GALNT13: variants seen among roughly 807,000 people sequenced by gnomAD.
GALNT13 encodes the protein polypeptide N-acetylgalactosaminyltransferase 13.
A neutral mutation model predicts 64.2 loss-of-function variants in GALNT13; 28 were observed. The observed-to-expected ratio is 0.44, with a 90% CI of 0.32 to 0.60. The LOEUF is 0.60. GALNT13 is among the 20% of genes least tolerant of loss of function. GALNT13 has a pLI of 0.05. For synonymous variants in GALNT13, 214 were observed against 224.6 expected (o/e 0.95, Z 0.42); for missense variants, 577 against 669.8 (o/e 0.86, Z 1.53).
chr2:154,134,264 T>C (rs1682822680), intron 3 of GALNT13, among the ~76,000 whole-genome samples: 1 of 152,196 alleles, frequency 6.6e-6, no homozygotes, highest in Admixed American at 6.5e-5. Flanking sequence ...AAAAGAGCTA[T>C]AAAATTATGA....
chr2:153,969,758 A>G (rs2105122286), intron 3 of GALNT13, among the ~76,000 whole-genome samples: 1 of 152,248 alleles, frequency 6.6e-6, no homozygotes, highest in Admixed American at 6.5e-5. Context: ...ATTCATAACT[A>G]TCATTATTTT....
chr2:153,940,592 C>A (rs1050186318), intron 2 of GALNT13, among the ~76,000 whole-genome samples: 5 of 152,122 alleles, frequency 3.3e-5, no homozygotes, highest in Non-Finnish European at 5.9e-5. Context: ...GATCTGTTTT[C>A]CTATCAGTTA....
chr2:154,411,590 T>C (rs982116816), intron 11 of GALNT13, among the ~76,000 whole-genome samples: 1 of 151,922 alleles, frequency 6.6e-6, no homozygotes, highest in Non-Finnish European at 1.5e-5. Flanking sequence ...TTGAACAATA[T>C]ATAGTATCTG....
the GALNT13 span, among the ~76,000 whole-genome samples, chr2:153,531,769 C>T: frequency 6.6e-5 from 10 of 152,242 alleles, no homozygotes; most frequent in East Asian, 3.9e-4. Flanking sequence ...TAAATACTTG[C>T]ATTTCAAAAG....
At chr2:153,418,357 A>G in the GALNT13 span, among the ~76,000 whole-genome samples, 1 of 152,190 alleles carries the variant, frequency 6.6e-6, no homozygotes, top group Non-Finnish European at 1.5e-5. Context: ...TGACCTCCAG[A>G]ACTGTAAGAT....
the GALNT13 span, among the ~76,000 whole-genome samples, chr2:153,854,889 T>C: frequency 6.6e-6 from 1 of 152,116 alleles, no homozygotes; most frequent in Non-Finnish European, 1.5e-5. Context: ...ACAACTTCCA[T>C]TACAGAAACA....
At chr2:154,160,649 C>A (rs1172380176) in intron 4 of GALNT13, among the ~76,000 whole-genome samples, 5 of 151,958 alleles carry the variant, frequency 3.3e-5, no homozygotes, top group African/African-American at 1.2e-4. Flanking sequence ...ATTTTATGGC[C>A]ATTAAACATT....
At chr2:153,635,445 C>CATATATATGTATATATATATACAT in the GALNT13 span, among the ~76,000 whole-genome samples, 1 of 132,412 alleles carries the variant, frequency 7.6e-6, no homozygotes, top group South Asian at 2.4e-4. Flanking sequence ...TATATACACA[C>CATATATATGTATATATATATACAT]ATATATATGT....
chr2:153,545,587 A>G, the GALNT13 span, among the ~76,000 whole-genome samples: 2 of 152,182 alleles, frequency 1.3e-5, no homozygotes, highest in Non-Finnish European at 2.9e-5. Context: ...TGTATGCAGT[A>G]TGCAAGGCCC....
chr2:154,236,429 A>C (rs1689194203), intron 4 of GALNT13, among the ~76,000 whole-genome samples: 1 of 152,110 alleles, frequency 6.6e-6, no homozygotes, highest in Non-Finnish European at 1.5e-5. Context: ...AGAAGCTCTC[A>C]CACCTATAGT....
chr2:153,528,041 G>T, the GALNT13 span, among the ~76,000 whole-genome samples: 10 of 151,724 alleles, frequency 6.6e-5, no homozygotes, highest in Non-Finnish European at 1.5e-4. Context: ...AAAACAATCA[G>T]AAAACCAATA....
chr2:153,684,659 CTTTTA>C, the GALNT13 span, among the ~76,000 whole-genome samples: 6 of 151,258 alleles, frequency 4.0e-5, no homozygotes, highest in East Asian at 5.8e-4. Context: ...TTTTTTTTAA[CTTTTA>C]TTTTAAGTTC....
intron 9 of GALNT13, among the ~76,000 whole-genome samples, chr2:154,359,503 T>C (rs1696941312): frequency 6.6e-6 from 1 of 152,034 alleles, no homozygotes; most frequent in Non-Finnish European, 1.5e-5. Context: ...TGAAAGATCA[T>C]GAAAATGTGG....
the GALNT13 span, among the ~76,000 whole-genome samples, chr2:153,584,439 A>G: frequency 2.6e-5 from 4 of 152,218 alleles, no homozygotes; most frequent in African/African-American, 9.6e-5. Flanking sequence ...TCTTACCTGC[A>G]AGTGCCATCT....
chr2:154,143,860 CAAAAAAAA>C (rs34582475), intron 4 of GALNT13, among the ~76,000 whole-genome samples: 9 of 58,902 alleles, frequency 1.5e-4, no homozygotes, highest in African/African-American at 3.5e-4. Context: ...GACTCTGTCT[CAAAAAAAA>C]AAAAAAAAAA....
rs200938962 is a variant in GALNT13 at position 154,396,016 on chromosome 2, T to A, written c.1182T>A (p.Asp394Glu). ...GTGTTGTCAAAGTGGATTATGGAGA[T>A]GTGTCAGTCAGAAAAACACTAAGAG... ...SPGVVKVDYG[D>E]VSVRKTLREN... The change falls in exon 10 of 13, where the codon GAT becomes GAA. Residue 394 changes from aspartate to glutamate, a missense_variant. Asp to Glu is a conservative substitution (Grantham distance 45). Around this residue, in one of 3 missense-constraint regions of GALNT13, gnomAD observed 232 missense variants for 270.6 expected, o/e 0.86. Coordinates refer to ENST00000392825, the MANE Select transcript of GALNT13 (RefSeq NM_052917.4). 2 of 1,608,800 alleles carry A rather than the reference T, an allele frequency of 1.2e-6. No homozygotes were observed. Among genetic ancestry groups the A allele is most frequent in the Admixed American group, 3.4e-5 (2 of 58,998 alleles).
the GALNT13 span, among the ~76,000 whole-genome samples, chr2:153,773,234 T>G: frequency 6.6e-6 from 1 of 152,236 alleles, no homozygotes; most frequent in African/African-American, 2.4e-5. Flanking sequence ...GACCAGTTTC[T>G]ATGCTCAGTA....
intron 4 of GALNT13, among the ~76,000 whole-genome samples, chr2:154,174,522 A>G (rs1314255753): frequency 1.3e-5 from 2 of 152,156 alleles, no homozygotes; most frequent in African/African-American, 2.4e-5. Flanking sequence ...AATGAAATAG[A>G]TACACACGAC....
chr2:153,940,885 A>T (rs766915267), intron 2 of GALNT13, among the ~76,000 whole-genome samples: 8 of 152,220 alleles, frequency 5.3e-5, no homozygotes, highest in African/African-American at 1.9e-4. Flanking sequence ...TTATGACTAT[A>T]GATAAAAATA....
Sources: gnomAD v4.1 joint callset for allele counts (sites outside exome capture counted in the v4.1 genomes callset) on GRCh38, gnomAD v4.1.1 for gene constraint, gnomAD v4.1.1 regional missense constraint, MANE v1.5 for transcripts, NCBI Gene and HGNC (gene_info 2026-07-23, HGNC 2026-07-21) for gene names.